Variants in PDZRN4 observed in about 807,000 individuals in gnomAD.
The protein encoded by PDZRN4 is PDZ domain containing ring finger 4.
In PDZRN4, 70 loss-of-function variants were observed where a neutral mutation model predicts 99.0. That is an observed-to-expected ratio of 0.71 (90% CI 0.58 to 0.86). The LOEUF is 0.86. Among genes scored for constraint, PDZRN4 ranks in the 40% least tolerant of loss-of-function variants. The pLI is 0.00. For synonymous variants in PDZRN4, 551 were observed against 501.6 expected (o/e 1.10, Z -1.32); for missense variants, 1,474 against 1,331.2 (o/e 1.11, Z -1.67).
At chr12:41,228,424 G>C (rs907179916) in intron 3 of PDZRN4, among the ~76,000 whole-genome samples, 2 of 151,976 alleles carry the variant, frequency 1.3e-5, no homozygotes, top group East Asian at 3.9e-4. Flanking sequence ...ATTCAAGAAA[G>C]TTCACAACAC....
intron 3 of PDZRN4, among the ~76,000 whole-genome samples, chr12:41,334,037 T>C (rs1292461895): frequency 6.6e-6 from 1 of 152,160 alleles, no homozygotes; most frequent in African/African-American, 2.4e-5. Flanking sequence ...TATTACCAGC[T>C]GACTACCACT....
chr12:41,486,413 T>C (rs895836080), intron 3 of PDZRN4, among the ~76,000 whole-genome samples: 3 of 152,114 alleles, frequency 2.0e-5, no homozygotes, highest in African/African-American at 7.2e-5. Context: ...ATCTCTGTCA[T>C]GCAAAAAATA....
chr12:41,484,729 A>G (rs1164277448), intron 3 of PDZRN4, among the ~76,000 whole-genome samples: 2 of 152,166 alleles, frequency 1.3e-5, no homozygotes, highest in African/African-American at 4.8e-5. Context: ...TTAACAGTGT[A>G]TCTTTGGGCT....
intron 3 of PDZRN4, among the ~76,000 whole-genome samples, chr12:41,309,821 G>T (rs1722518535): frequency 6.6e-6 from 1 of 152,080 alleles, no homozygotes; most frequent in African/African-American, 2.4e-5. Flanking sequence ...TAAATGGAAA[G>T]TATTGATTAT....
At chr12:41,397,618 T>A (rs1330567465) in intron 3 of PDZRN4, among the ~76,000 whole-genome samples, 1 of 152,144 alleles carries the variant, frequency 6.6e-6, no homozygotes, top group African/African-American at 2.4e-5. Context: ...AATTCAGTCT[T>A]TTTTAGTACA....
chr12:41,330,406 G>C (rs141490535), intron 3 of PDZRN4, among the ~76,000 whole-genome samples: 110 of 149,598 alleles, frequency 7.4e-4, no homozygotes, highest in African/African-American at 2.7e-3. Context: ...TCACCTCTCT[G>C]TATCTCAGTA....
intron 3 of PDZRN4, among the ~76,000 whole-genome samples, chr12:41,395,231 A>C (rs145350063): frequency 7.6e-6 from 1 of 131,974 alleles, no homozygotes; most frequent in East Asian, 2.0e-4. Flanking sequence ...TTAATATGTA[A>C]ACCTGTGAAA....
At position 41,552,714 on chromosome 12, in the gene PDZRN4, G is replaced by T; in HGVS notation, c.1262G>T (p.Arg421Leu). 6.2e-7 allele frequency: 1 copy of T among 1,613,628 alleles called. No individual in the cohort carries two copies. ...QEKLGLTVCYRTDDEEDTGIY... is the reference protein window; with the variant it reads ...QEKLGLTVCYLTDDEEDTGIY... ...AAGCTGGGCCTGACAGTCTGTTACCGAACAGATGATGAAGAAGACACCGGC... is the reference window on the plus strand; with the variant it reads ...AAGCTGGGCCTGACAGTCTGTTACCTAACAGATGATGAAGAAGACACCGGC... Residue 421 changes from arginine (R) to leucine (L), a missense_variant, in exon 6 of 10, where the codon CGA becomes CTA. Coordinates refer to ENST00000402685, the MANE Select transcript of PDZRN4 (RefSeq NM_001164595.2).
intron 3 of PDZRN4, among the ~76,000 whole-genome samples, chr12:41,356,832 G>C (rs1951931167): frequency 6.6e-6 from 1 of 151,886 alleles, no homozygotes; most frequent in Non-Finnish European, 1.5e-5. Context: ...GTAACAAGTG[G>C]CATTCTGTTC....
rs370184125 is a variant in PDZRN4 at position 41,572,314 on chromosome 12, G to A, written c.1585-50G>A. On this transcript the variant is annotated intron_variant, in intron 9 of 9. Transcript: ENST00000402685. Reference sequence around the variant, plus strand: ...TCAAACAAGATTTTTAATAACAAATGTCTTCCAAAATCATTAATTTTCTTT... The same window carrying A: ...TCAAACAAGATTTTTAATAACAAATATCTTCCAAAATCATTAATTTTCTTT... 5.4e-6 allele frequency: 8 copies of A among 1,474,196 alleles called. No individual in the cohort carries two copies. In the South Asian group the frequency reaches 1.0e-4, roughly 19 times the overall value. 91.3% of individuals were successfully genotyped at this position (1,474,196 alleles called of 1,614,324 possible).
intron 3 of PDZRN4, among the ~76,000 whole-genome samples, chr12:41,399,736 C>CA (rs11324694): frequency 0.16 from 19,753 of 127,422 alleles, 2,861 homozygotes; most frequent in African/African-American, 0.38. Context: ...AACTTTGTCT[C>CA]AAAAAAAAAA....
chr12:41,522,268 ATCTC>A (rs1938504833), intron 5 of PDZRN4, among the ~76,000 whole-genome samples: 1 of 152,032 alleles, frequency 6.6e-6, no homozygotes, highest in Non-Finnish European at 1.5e-5. Context: ...AATTAACAAA[ATCTC>A]TCCCTCCAAA....
Position 41,552,681 on chromosome 12 carries a change from G to C in PDZRN4, c.1229G>C (p.Ser410Thr). 2 of 1,613,848 alleles carry C rather than the reference G, an allele frequency of 1.2e-6. No homozygotes were observed. Among genetic ancestry groups the C allele is most frequent in the East Asian group, 2.2e-5 (1 of 44,872 alleles). The change falls in exon 6 of 10, where the codon AGT becomes ACT. Residue 410 changes from serine (S) to threonine (T), a missense_variant. By Grantham distance (58) the Ser-to-Thr change is moderately conservative (BLOSUM62 1). Transcript: ENST00000402685. Reference protein sequence around the residue: ...YEEVELCRVSSQEKLGLTVCY... With the variant: ...YEEVELCRVSTQEKLGLTVCY... ...GAGGTCGAGTTGTGTCGTGTTAGCA[G>C]TCAAGAGAAGCTGGGCCTGACAGTC...
At chr12:41,401,419 A>G (rs1398768613) in intron 3 of PDZRN4, among the ~76,000 whole-genome samples, 2 of 152,186 alleles carry the variant, frequency 1.3e-5, no homozygotes, top group Non-Finnish European at 2.9e-5. Context: ...ATTGTGCTGT[A>G]TACTAAATTT....
At chr12:41,326,714 C>A (rs1453224035) in intron 3 of PDZRN4, among the ~76,000 whole-genome samples, 2 of 152,102 alleles carry the variant, frequency 1.3e-5, no homozygotes, top group Non-Finnish European at 2.9e-5. Context: ...CATGAAACCA[C>A]AAGAGTCCTA....
chr12:41,294,646 T>C (rs1379760500), intron 3 of PDZRN4, among the ~76,000 whole-genome samples: 3 of 152,150 alleles, frequency 2.0e-5, no homozygotes, highest in Non-Finnish European at 2.9e-5. Flanking sequence ...TTACCTTAAA[T>C]ATTACCTCTT....
chr12:41,535,486 T>C (rs372835650), intron 5 of PDZRN4, among the ~76,000 whole-genome samples: 1 of 152,338 alleles, frequency 6.6e-6, no homozygotes, highest in East Asian at 1.9e-4. Context: ...TTATTATTGG[T>C]ACATTCTCAA....
intron 3 of PDZRN4, among the ~76,000 whole-genome samples, chr12:41,286,803 T>C (rs916019236): frequency 6.6e-6 from 1 of 152,184 alleles, no homozygotes; most frequent in Admixed American, 6.5e-5. Context: ...ACTCTGATGA[T>C]GTATTATGAC....
intron 3 of PDZRN4, among the ~76,000 whole-genome samples, chr12:41,432,440 G>A (rs1226162098): frequency 6.6e-6 from 1 of 152,140 alleles, no homozygotes; most frequent in Non-Finnish European, 1.5e-5. Context: ...TTGCTAATGT[G>A]TGTTACAAAC....
Sources: allele counts gnomAD v4.1 joint callset (sites outside exome capture counted in the v4.1 genomes callset), GRCh38; gene constraint gnomAD v4.1.1; transcripts MANE v1.5; gene names NCBI Gene and HGNC (gene_info 2026-07-23, HGNC 2026-07-21).